The following UBE2F variants were observed in gnomAD, a reference collection of about 807,000 sequenced individuals.
UBE2F encodes the protein NEDD8-conjugating enzyme UBE2F.
UBE2F carries 5 observed loss-of-function variants against 29.6 expected under a neutral mutation model. The observed-to-expected ratio is 0.17, with a 90% confidence interval of 0.09 to 0.36. The LOEUF (loss-of-function observed/expected upper bound fraction) is 0.36. Among genes scored for constraint, UBE2F ranks in the 10% least tolerant of loss-of-function variants. The probability of loss-of-function intolerance (pLI) is 1.00; values close to 1 mark genes in which losing one functional copy is unlikely to be tolerated. For missense variants in UBE2F, 141 were observed against 228.5 expected (o/e 0.62, Z 2.47); for synonymous variants, 66 against 81.8 (o/e 0.81, Z 1.04).
chr2:238,012,236 C>T (rs899377229), intron 4 of UBE2F, among the ~76,000 whole-genome samples: 3 of 152,108 alleles, frequency 2.0e-5, no homozygotes, highest in Non-Finnish European at 4.4e-5. Context: ...TAGATTCCTT[C>T]TTCCATTTTG....
chr2:238,014,470 A>G (rs529344825), intron 4 of UBE2F, among the ~76,000 whole-genome samples: 3 of 152,362 alleles, frequency 2.0e-5, no homozygotes, highest in African/African-American at 4.8e-5. Flanking sequence ...TGATAATCAT[A>G]TTAGACCAAA....
At chr2:238,002,673 G>A (rs566734534) in intron 4 of UBE2F, among the ~76,000 whole-genome samples, 4 of 152,188 alleles carry the variant, frequency 2.6e-5, no homozygotes, top group Admixed American at 1.3e-4. Context: ...GTGCAGTGGC[G>A]CGATCTTGAC....
chr2:237,996,678 G>A (rs2063699549), intron 4 of UBE2F, among the ~76,000 whole-genome samples: 1 of 152,000 alleles, frequency 6.6e-6, no homozygotes, highest in African/African-American at 2.4e-5. Context: ...ATTTCACTGT[G>A]TTGGCCAGGC....
At chr2:238,011,993 C>T (rs942077772) in intron 4 of UBE2F, among the ~76,000 whole-genome samples, 1 of 151,968 alleles carries the variant, frequency 6.6e-6, no homozygotes, top group African/African-American at 2.4e-5. Flanking sequence ...ATCCTCCCAC[C>T]TCAGCCTCCT....
chr2:238,027,120 T>C (rs1017866534), intron 6 of UBE2F, among the ~76,000 whole-genome samples: 1 of 152,184 alleles, frequency 6.6e-6, no homozygotes, highest in Non-Finnish European at 1.5e-5. Context: ...GGAAGTCAGA[T>C]GATTAGCAAA....
chr2:238,002,698 G>A (rs532469066), intron 4 of UBE2F, among the ~76,000 whole-genome samples: 170 of 152,242 alleles, frequency 1.1e-3, no homozygotes, highest in Non-Finnish European at 1.5e-3. Flanking sequence ...TGCAATCTCC[G>A]CCTCCTGGGT....
intron 1 of UBE2F, among the ~76,000 whole-genome samples, chr2:237,972,505 A>C (rs913151345): frequency 6.6e-6 from 1 of 151,270 alleles, no homozygotes; most frequent in African/African-American, 2.4e-5. Flanking sequence ...CCTGGCACCC[A>C]GTGAGTGTGA....
chr2:238,006,857 G>A (rs2063919812), intron 4 of UBE2F, among the ~76,000 whole-genome samples: 1 of 149,740 alleles, frequency 6.7e-6, no homozygotes, highest in Admixed American at 6.7e-5. Context: ...CCAGGTTCAA[G>A]CAATTCTCTT....
intron 4 of UBE2F, among the ~76,000 whole-genome samples, chr2:238,015,552 A>G (rs1436895993): frequency 6.6e-6 from 1 of 152,138 alleles, no homozygotes; most frequent in African/African-American, 2.4e-5. Flanking sequence ...CTACTAGATG[A>G]CATAAATGTT....
At chr2:237,999,585 T>C (rs1244326567) in intron 4 of UBE2F, among the ~76,000 whole-genome samples, 1 of 152,218 alleles carries the variant, frequency 6.6e-6, no homozygotes, top group Non-Finnish European at 1.5e-5. Context: ...GAGATTTACT[T>C]TATCTATCTA....
At chr2:238,019,728 C>T (rs1241103402) in intron 5 of UBE2F, among the ~76,000 whole-genome samples, 4 of 138,700 alleles carry the variant, frequency 2.9e-5, no homozygotes, top group African/African-American at 8.2e-5. Flanking sequence ...GGCATGATCT[C>T]AGCTCACCGC....
intron 4 of UBE2F, among the ~76,000 whole-genome samples, chr2:238,015,654 A>C (rs2064135417): frequency 6.6e-6 from 1 of 152,280 alleles, no homozygotes; most frequent in South Asian, 2.1e-4. Flanking sequence ...ATTTCATATA[A>C]AAATTTGAGG....
intron 9 of UBE2F, 56 bp from the exon 10 acceptor site, chr2:238,041,228 TTCAC>T (rs2064831995): frequency 3.5e-5 from 53 of 1,534,344 alleles, no homozygotes; most frequent in South Asian, 1.6e-4. Context: ...GAAGCGCTGC[TTCAC>T]TCACTCACTC....
At chr2:238,030,015 A>G (rs959032566) in intron 6 of UBE2F, among the ~76,000 whole-genome samples, 37 of 151,268 alleles carry the variant, frequency 2.4e-4, no homozygotes, top group African/African-American at 8.3e-4. Flanking sequence ...GCGCCATCAC[A>G]GCTCACTGCA....
chr2:238,008,187 G>T (rs2063946833), intron 4 of UBE2F, among the ~76,000 whole-genome samples: 1 of 152,094 alleles, frequency 6.6e-6, no homozygotes, highest in African/African-American at 2.4e-5. Context: ...GCCCAGGCTG[G>T]TCTCGAACCC....
At chr2:237,969,825 G>C (rs767063315) in intron 1 of UBE2F, among the ~76,000 whole-genome samples, 2 of 152,202 alleles carry the variant, frequency 1.3e-5, no homozygotes, top group Non-Finnish European at 2.9e-5. Context: ...AGGTGTTTGT[G>C]ACTATTTGCC....
chr2:237,999,521 A>G (rs550468371), intron 4 of UBE2F, among the ~76,000 whole-genome samples: 1 of 152,310 alleles, frequency 6.6e-6, no homozygotes, highest in South Asian at 2.1e-4. Flanking sequence ...GTTTTATGTT[A>G]AGGTCCATCA....
intron 2 of UBE2F, among the ~76,000 whole-genome samples, chr2:237,974,900 C>T (rs1279890167): frequency 1.3e-5 from 2 of 151,830 alleles, no homozygotes; most frequent in Non-Finnish European, 1.5e-5. Flanking sequence ...CCACCCGCCT[C>T]GGCCTCCCAA....
chr2:238,012,640 C>A (rs1021389390), intron 4 of UBE2F, among the ~76,000 whole-genome samples: 3 of 152,028 alleles, frequency 2.0e-5, no homozygotes, highest in East Asian at 3.9e-4. Context: ...AACTAGTCTG[C>A]GAAATCACTC....
Sources: gnomAD v4.1 joint callset for allele counts (sites outside exome capture counted in the v4.1 genomes callset) on GRCh38, gnomAD v4.1.1 for gene constraint, MANE v1.5 for transcripts, NCBI Gene and HGNC (gene_info 2026-07-23, HGNC 2026-07-21) for gene names.